Variants in ZDHHC6 observed in about 807,000 individuals in gnomAD.
ZDHHC6 encodes the protein zDHHC palmitoyltransferase 6.
A neutral mutation model predicts 57.8 loss-of-function variants in ZDHHC6; 32 were observed. The ratio of observed to expected loss-of-function variants is 0.55; its 90% CI spans 0.42 to 0.74. ZDHHC6 has a LOEUF of 0.74. Among genes scored for constraint, ZDHHC6 ranks in the 30% least tolerant of loss-of-function variants. The pLI, the probability that ZDHHC6 is intolerant of heterozygous loss-of-function variation, is 0.00. For synonymous variants in ZDHHC6, 128 were observed against 158.0 expected, an observed-to-expected ratio of 0.81 and a Z score of 1.42; for missense variants, 433 against 500.7, an observed-to-expected ratio of 0.86 and a Z score of 1.29.
At chr10:112,447,035 GA>G, upstream of ZDHHC6, 1 of 291,578 alleles carries the variant, frequency 3.4e-6, no homozygotes, top group Non-Finnish European at 6.7e-6. Context: ...CCGATTCCCA[GA>G]ACACGAAGGG....
chr10:112,426,383 T>G (rs1231456932), downstream of ZDHHC6: 2 of 1,596,038 alleles, frequency 1.3e-6, no homozygotes, highest in Non-Finnish European at 1.7e-6. Context: ...AGGAAAGCTT[T>G]ATGCACACCC....
intron 1 of ZDHHC6, among the ~76,000 whole-genome samples, chr10:112,446,115 T>C (rs756305838): frequency 5.3e-5 from 8 of 152,204 alleles, no homozygotes; most frequent in Non-Finnish European, 8.8e-5. Context: ...CTGCCTCTTA[T>C]GAAGTCTTGA....
chr10:112,439,669 A>AAAAAAAAAAAAAAAAAAAT (rs757796332), intron 5 of ZDHHC6, among the ~76,000 whole-genome samples: 6 of 108,610 alleles, frequency 5.5e-5, no homozygotes, highest in Non-Finnish European at 9.2e-5. Context: ...AAAAAAAAAA[A>AAAAAAAAAAAAAAAAAAAT]GAATGAAAAA....
At chr10:112,433,145 A>G in intron 8 of ZDHHC6, 95 bp downstream of exon 8, 1 of 996,510 alleles carries the variant, frequency 1.0e-6, no homozygotes, top group Non-Finnish European at 1.4e-6. Context: ...ATAAAGGCCA[A>G]CAATTGGTTT....
chr10:112,430,939 G>A (rs770278104), intron 10 of ZDHHC6, 32 bp from the exon 11 acceptor site: 1 of 1,560,148 alleles, frequency 6.4e-7, no homozygotes, highest in African/African-American at 1.4e-5. Flanking sequence ...AGGTGAAATA[G>A]TCTGATGGAT....
downstream of ZDHHC6, chr10:112,427,180 C>G (rs768028822): frequency 6.3e-7 from 1 of 1,580,868 alleles, no homozygotes; most frequent in South Asian, 1.2e-5. Flanking sequence ...AAGTCCAAAT[C>G]ACTAATGAGC....
intron 10 of ZDHHC6, among the ~76,000 whole-genome samples, chr10:112,431,539 C>T (rs1202371027): frequency 6.6e-6 from 1 of 152,198 alleles, no homozygotes; most frequent in East Asian, 1.9e-4. Context: ...ATCTTGAACT[C>T]CTGACCTCAG....
chr10:112,428,003 G>A (rs1279496799), downstream of ZDHHC6: 1 of 158,774 alleles, frequency 6.3e-6, no homozygotes, highest in Non-Finnish European at 1.4e-5. Context: ...TGACTTGGGA[G>A]TATTAAAAAT....
rs1452903816 is a variant in ZDHHC6, at chr10:112,430,789, T to C, written c.*15A>G. ...AATTAAGCAGACTTAAAGGATAATT[T>C]TGTTTTAACAGCAGCTATCTATTTT... On this transcript the variant is annotated 3_prime_UTR_variant, in exon 11 of 11. Coordinates refer to ENST00000369405, the MANE Select transcript of ZDHHC6 (RefSeq NM_022494.3). The C allele has an allele frequency of 6.2e-7, 1 of 1,604,450 alleles. No homozygotes were observed. Among genetic ancestry groups the C allele is most frequent in the African/African-American group, 1.3e-5 (1 of 74,780 alleles).
In ZDHHC6 at chr10:112,432,269, T is replaced by C; in HGVS notation, c.1109A>G (p.Asp370Gly). The C allele has an allele frequency of 5.0e-6, 8 of 1,607,754 alleles. No homozygotes were observed. The highest frequency in any genetic ancestry group is 6.8e-6 in the Non-Finnish European group (8 of 1,178,422). ...TATAAAGGAATCATCAAGAATTTTGTCTCCATATAACCAGTATCTGAAATA... is the reference window on the plus strand; with the variant it reads ...TATAAAGGAATCATCAAGAATTTTGCCTCCATATAACCAGTATCTGAAATA... ...TRGLRYWLYG[D>G]KILDDSFIEG... is the part of the protein sequence containing the mutation. Residue 370 changes from aspartate (D) to glycine (G), a missense_variant, in exon 10 of 11, where the codon GAC becomes GGC. Physicochemically the swap from Asp to Gly is moderately conservative, Grantham distance 94. Coordinates refer to ENST00000369405, the MANE Select transcript of ZDHHC6 (RefSeq NM_022494.3).
chr10:112,432,302 G>T lies in ZDHHC6; in HGVS notation c.1092-16C>A, dbSNP rs780487024. The T allele has an allele frequency of 6.8e-6, 11 of 1,607,710 alleles. No homozygotes were observed. The highest frequency in any genetic ancestry group is 1.1e-5 in the South Asian group (1 of 89,528). Reference sequence around the variant, plus strand: ...TAACCAGTATCTGAAATATTTAAAAGATGAAAATTAATTTTTTAGGCTAGA... The same window carrying T: ...TAACCAGTATCTGAAATATTTAAAATATGAAAATTAATTTTTTAGGCTAGA... On this transcript the variant is annotated splice_polypyrimidine_tract_variant and intron_variant, in intron 9 of 10. Transcript: ENST00000369405.
chr10:112,440,401 T>A, intron 5 of ZDHHC6, 133 bp downstream of exon 5: 1 of 965,490 alleles, frequency 1.0e-6, no homozygotes, highest in East Asian at 2.7e-5. Context: ...CAAAGGAGAT[T>A]AGTTACCTAA....
Position 112,432,442 on chromosome 10 carries a change from G to A in ZDHHC6, c.1025C>T (p.Pro342Leu), listed in dbSNP as rs1216624755. The change falls in exon 9 of 11, where the codon CCC (proline) becomes CTC (leucine). Residue 342 changes from proline (P) to leucine (L), a missense_variant. Transcript: ENST00000369405. ...CTGTATTCGAGGCTCTTCGGTGCAG[G>A]GACTTGTGAAGAAGGTTTTGATTCC... ...NKGIKTFFTS[P>L]CTEEPRIQLQ... The A allele has an allele frequency of 6.2e-7, 1 of 1,614,112 alleles. No individual in the cohort carries two copies. The highest frequency in any genetic ancestry group is 8.5e-7 in the Non-Finnish European group (1 of 1,180,024).
At chr10:112,425,201 A>G (rs910516535) in exon 12 of ZDHHC6, 3 of 727,546 alleles carry the variant, frequency 4.1e-6, no homozygotes, top group Admixed American at 6.6e-5. Flanking sequence ...AAGCCAAGAA[A>G]GAGAAATGAA....
In ZDHHC6 at chr10:112,445,293, G is replaced by C; in HGVS notation, c.144C>G (p.Pro48=). Residue 48 remains proline, a synonymous_variant, in exon 2 of 11, where the codon CCC becomes CCG. Transcript: ENST00000369405. Reference sequence around the variant, plus strand: ...TCACACTTCCTCCAGTTGTATGTAAGGGCCAATACCACAACACAGAGTCAA... The same window carrying C: ...TCACACTTCCTCCAGTTGTATGTAACGGCCAATACCACAACACAGAGTCAA... ...AMIDSVLWYW[P]LHTTGGSVNF... The C allele has an allele frequency of 6.2e-7, 1 of 1,614,090 alleles. No individual in the cohort carries two copies. Among genetic ancestry groups the C allele is most frequent in the Non-Finnish European group, 8.5e-7 (1 of 1,180,020 alleles).
At chr10:112,439,046 T>G (rs1845816919) in intron 5 of ZDHHC6, among the ~76,000 whole-genome samples, 1 of 152,192 alleles carries the variant, frequency 6.6e-6, no homozygotes, top group South Asian at 2.1e-4. Context: ...CCAGATTATT[T>G]TAAAACCAAG....
chr10:112,442,788 G>A (rs1846248485), intron 3 of ZDHHC6, among the ~76,000 whole-genome samples: 1 of 152,156 alleles, frequency 6.6e-6, no homozygotes, highest in African/African-American at 2.4e-5. Context: ...ATAGACACAT[G>A]TAACTTCCTT....
At chr10:112,431,039 A>G in intron 10 of ZDHHC6, 132 bp from the exon 11 acceptor site, 1 of 713,848 alleles carries the variant, frequency 1.4e-6, no homozygotes, top group Non-Finnish European at 2.3e-6. Flanking sequence ...GCTATCTATT[A>G]TAAGCACAGT....
chr10:112,441,292 G>A (rs944605690), intron 4 of ZDHHC6, among the ~76,000 whole-genome samples: 2 of 152,202 alleles, frequency 1.3e-5, no homozygotes, highest in Non-Finnish European at 2.9e-5. Flanking sequence ...AACAACACTA[G>A]ACACTAATCT....
Sources: gnomAD v4.1 joint callset for allele counts (sites outside exome capture counted in the v4.1 genomes callset) on GRCh38, gnomAD v4.1.1 for gene constraint, MANE v1.5 for transcripts, NCBI Gene and HGNC (gene_info 2026-07-23, HGNC 2026-07-21) for gene names.